Variants in SOX5 observed in about 807,000 individuals in gnomAD.
The protein encoded by SOX5 is transcription factor SOX-5.
In SOX5, 9 loss-of-function variants were observed where a neutral mutation model predicts 92.0. The observed-to-expected ratio is 0.10, with a 90% CI of 0.06 to 0.17. The LOEUF is 0.17. Ranked by LOEUF, SOX5 falls within the 10% of genes least tolerant of loss-of-function variation. The probability of loss-of-function intolerance (pLI) is 1.00; values close to 1 mark genes in which losing one functional copy is unlikely to be tolerated. For synonymous variants in SOX5, 344 were observed against 336.3 expected (o/e 1.02, Z -0.25); for missense variants, 642 against 944.5 (o/e 0.68, Z 4.20).
At chr12:23,938,368 A>G (rs1943006873) in intron 1 of SOX5, among the ~76,000 whole-genome samples, 1 of 151,036 alleles carries the variant, frequency 6.6e-6, no homozygotes, top group Admixed American at 6.6e-5. Context: ...TGTTGCTTTT[A>G]CTATGAAAAT....
chr12:24,397,799 G>T (rs1008865488), intron 1 of SOX5, among the ~76,000 whole-genome samples: 4 of 151,798 alleles, frequency 2.6e-5, no homozygotes, highest in African/African-American at 9.7e-5. Flanking sequence ...CTTATGAGTT[G>T]CATATTCTTT....
At chr12:24,364,165 G>A (rs1305967863) in intron 2 of SOX5, among the ~76,000 whole-genome samples, 2 of 152,012 alleles carry the variant, frequency 1.3e-5, no homozygotes, top group African/African-American at 4.8e-5. Context: ...TCACTCCTTA[G>A]CTCATGTCCT....
intron 1 of SOX5, among the ~76,000 whole-genome samples, chr12:24,521,418 T>C (rs1298585799): frequency 6.6e-6 from 1 of 152,160 alleles, no homozygotes; most frequent in Non-Finnish European, 1.5e-5. Flanking sequence ...AGAAAATCAA[T>C]AAAGAAAACA....
At chr12:24,214,216 C>T (rs148757891) in intron 3 of SOX5, among the ~76,000 whole-genome samples, 33 of 151,974 alleles carry the variant, frequency 2.2e-4, no homozygotes, top group African/African-American at 8.0e-4. Context: ...GGCAAAAATA[C>T]CAACAATAGA....
chr12:24,268,688 T>A (rs1449522150), intron 3 of SOX5, among the ~76,000 whole-genome samples: 1 of 152,182 alleles, frequency 6.6e-6, no homozygotes, highest in Non-Finnish European at 1.5e-5. Context: ...TGCACAGGTA[T>A]GTAGCATCAG....
intron 3 of SOX5, among the ~76,000 whole-genome samples, chr12:23,828,732 TG>T (rs1298226519): frequency 6.6e-6 from 1 of 151,204 alleles, no homozygotes; most frequent in Non-Finnish European, 1.5e-5. Context: ...GAATAGAAGT[TG>T]CTTTTCAAAT....
chr12:24,090,567 A>G (rs1944523336), intron 4 of SOX5, among the ~76,000 whole-genome samples: 1 of 152,248 alleles, frequency 6.6e-6, no homozygotes, highest in African/African-American at 2.4e-5. Flanking sequence ...TTCTCAACAA[A>G]AAATCCAAAT....
At chr12:24,522,537 CA>C (rs537968290) in intron 1 of SOX5, among the ~76,000 whole-genome samples, 38 of 152,134 alleles carry the variant, frequency 2.5e-4, no homozygotes, top group African/African-American at 8.4e-4. Context: ...AAAATACTAG[CA>C]AATCAAACTC....
chr12:24,089,306 A>G (rs1035812956), intron 4 of SOX5, among the ~76,000 whole-genome samples: 1 of 152,104 alleles, frequency 6.6e-6, no homozygotes, highest in Non-Finnish European at 1.5e-5. Flanking sequence ...CCCAGTTTCT[A>G]TATACAGTCA....
At chr12:24,022,622 A>C (rs1186628606) in intron 4 of SOX5, among the ~76,000 whole-genome samples, 2 of 152,092 alleles carry the variant, frequency 1.3e-5, no homozygotes, top group African/African-American at 4.8e-5. Flanking sequence ...AATGTTTTCC[A>C]CACTAGAGTG....
intron 3 of SOX5, among the ~76,000 whole-genome samples, chr12:23,788,158 C>T (rs374691790): frequency 6.6e-6 from 1 of 151,252 alleles, no homozygotes; most frequent in Non-Finnish European, 1.5e-5. Context: ...TACAGAAAGA[C>T]AAAGTTCAAA....
At chr12:24,147,011 T>C (rs11494566) in intron 4 of SOX5, among the ~76,000 whole-genome samples, 25,148 of 152,040 alleles carry the variant, frequency 0.17, 2,490 homozygotes, top group African/African-American at 0.26. Context: ...AAGAAAAATT[T>C]AAACACAGAT....
At chr12:23,552,332 G>T (rs1312421401) in intron 11 of SOX5, among the ~76,000 whole-genome samples, 1 of 151,750 alleles carries the variant, frequency 6.6e-6, no homozygotes, top group African/African-American at 2.4e-5. Flanking sequence ...TGTTATAATG[G>T]CCTCATTTTC....
chr12:23,629,613 C>T (rs894666196), intron 8 of SOX5, among the ~76,000 whole-genome samples: 2 of 152,050 alleles, frequency 1.3e-5, no homozygotes, highest in African/African-American at 4.8e-5. Flanking sequence ...CTGGAGGGTG[C>T]TTGAACATAC....
intron 2 of SOX5, among the ~76,000 whole-genome samples, chr12:24,352,734 A>G (rs747300676): frequency 1.1e-4 from 16 of 151,912 alleles, no homozygotes; most frequent in Non-Finnish European, 1.9e-4. Flanking sequence ...TCTCCCTAAC[A>G]TTTGCAGACC....
At chr12:24,358,783 G>T (rs978183058) in intron 2 of SOX5, among the ~76,000 whole-genome samples, 1 of 152,106 alleles carries the variant, frequency 6.6e-6, no homozygotes, top group African/African-American at 2.4e-5. Flanking sequence ...ACCAGATAAA[G>T]TTAATTACCT....
chr12:23,792,652 A>AAAAAC (rs2095496181), intron 3 of SOX5, among the ~76,000 whole-genome samples: 2 of 147,668 alleles, frequency 1.4e-5, no homozygotes, highest in Admixed American at 6.8e-5. Context: ...AAAAAAAAAA[A>AAAAAC]AAAAAAAAAA....
intron 1 of SOX5, among the ~76,000 whole-genome samples, chr12:24,550,784 T>TA (rs1240325039): frequency 1.3e-5 from 2 of 152,236 alleles, no homozygotes; most frequent in Admixed American, 1.3e-4. Context: ...ATAAAGCACT[T>TA]AAAAATGCCT....
chr12:24,544,092 G>A (rs1952389027), intron 1 of SOX5, among the ~76,000 whole-genome samples: 1 of 152,036 alleles, frequency 6.6e-6, no homozygotes, highest in African/African-American at 2.4e-5. Flanking sequence ...GAAATTTAAA[G>A]CAACCAGTAT....
Sources: gnomAD v4.1 joint callset for allele counts (sites outside exome capture counted in the v4.1 genomes callset) on GRCh38, gnomAD v4.1.1 for gene constraint, MANE v1.5 for transcripts, NCBI Gene and HGNC (gene_info 2026-07-23, HGNC 2026-07-21) for gene names.